The following ZBBX variants were observed in gnomAD, a reference collection of about 807,000 sequenced individuals.
ZBBX encodes zinc finger B-box domain-containing protein 1.
Under a neutral mutation model 108.5 loss-of-function variants are expected in ZBBX, and 101 were observed. The observed-to-expected ratio is 0.93, with a 90% CI of 0.79 to 1.10. The LOEUF (loss-of-function observed/expected upper bound fraction) is 1.10, where lower values mean the gene tolerates loss of function less well. ZBBX is among the 50% of genes least tolerant of loss of function. ZBBX has a pLI of 0.00. For missense variants in ZBBX, 1,009 were observed against 941.4 expected, an observed-to-expected ratio of 1.07 and a Z score of -0.94; for synonymous variants, 356 against 323.4, an observed-to-expected ratio of 1.10 and a Z score of -1.08.
chr3:167,290,188 A>C (rs1730436322), intron 18 of ZBBX, among the ~76,000 whole-genome samples: 1 of 152,200 alleles, frequency 6.6e-6, no homozygotes, highest in Admixed American at 6.5e-5. Context: ...TGAAGAGAAC[A>C]GCAGATCTCC....
rs138575925 is a variant in ZBBX at position 167,401,961 on chromosome 3, G to T, written c.-446+5765C>A. Among the ~76,000 whole-genome samples, 25 of 152,238 alleles carry T rather than the reference G, an allele frequency of 1.6e-4. No homozygotes were observed. The East Asian group carries it at 3.7e-3, about 22-fold the overall frequency. On this transcript the variant is annotated intron_variant, in intron 1 of 21. Transcript: ENST00000455345. The stretch of plus-strand genomic sequence containing the variant: ...CTTGATGAACTGATTTCCAGAGAAA[G>T]GTGCCCATTATAAGTAAGCAGTGAG...
In ZBBX at chr3:167,372,912, T is replaced by C. The variant is rs1265649431; in HGVS notation, c.-11A>G. The C allele has an allele frequency of 8.9e-6, 14 of 1,579,702 alleles. No individual in the cohort carries two copies. Among genetic ancestry groups the C allele is most frequent in the African/African-American group, 2.7e-5 (2 of 72,964 alleles). On this transcript the variant is annotated 5_prime_UTR_variant, in exon 4 of 22. Transcript: ENST00000675490. Reference sequence around the variant, plus strand: ...ATCTTTTCTGTTCATGATTACCACCTTAATATTGTCTAAAAGTTATTCTGA... The same window carrying C: ...ATCTTTTCTGTTCATGATTACCACCCTAATATTGTCTAAAAGTTATTCTGA...
chr3:167,197,775 C>T, the ZBBX span, among the ~76,000 whole-genome samples: 7 of 152,166 alleles, frequency 4.6e-5, no homozygotes, highest in South Asian at 8.3e-4. Context: ...GTCATCAAAT[C>T]TTGCTATTCT....
At chr3:167,379,388 G>A (rs1176717007) in intron 2 of ZBBX, among the ~76,000 whole-genome samples, 2 of 152,098 alleles carry the variant, frequency 1.3e-5, no homozygotes, top group African/African-American at 4.8e-5. Flanking sequence ...AAGACATAAA[G>A]GAACTACTTT....
chr3:167,284,283 T>C (rs1056422842), intron 19 of ZBBX, among the ~76,000 whole-genome samples: 1 of 151,780 alleles, frequency 6.6e-6, no homozygotes, highest in African/African-American at 2.4e-5. Context: ...TAAAGAACCA[T>C]ATTTATAGCA....
At chr3:167,190,116 T>C in the ZBBX span, among the ~76,000 whole-genome samples, 2 of 152,170 alleles carry the variant, frequency 1.3e-5, no homozygotes, top group Non-Finnish European at 2.9e-5. Flanking sequence ...TACATCCTTT[T>C]TCATAAATAT....
At chr3:167,348,356 G>GAA (rs1553832871) in intron 9 of ZBBX, among the ~76,000 whole-genome samples, 1,925 of 115,010 alleles carry the variant, frequency 0.017, 48 homozygotes, top group East Asian at 0.052. Flanking sequence ...AAGAAAGAAA[G>GAA]AAAGAAAGAA....
chr3:167,312,561 T>C (rs1406009728), intron 16 of ZBBX, among the ~76,000 whole-genome samples: 1 of 152,210 alleles, frequency 6.6e-6, no homozygotes, highest in Non-Finnish European at 1.5e-5. Flanking sequence ...GAACTCTCTG[T>C]ACTTTCTGCT....
At chr3:167,397,377 T>C (rs1748276717) in intron 1 of ZBBX, among the ~76,000 whole-genome samples, 1 of 151,848 alleles carries the variant, frequency 6.6e-6, no homozygotes, top group Admixed American at 6.6e-5. Context: ...TAAAAATAAA[T>C]AAAATTTTAT....
chr3:167,363,606 A>G (rs1744875049), intron 6 of ZBBX, among the ~76,000 whole-genome samples: 1 of 151,676 alleles, frequency 6.6e-6, no homozygotes, highest in African/African-American at 2.4e-5. Context: ...CACCTCTTTC[A>G]TCTACATTTT....
intron 17 of ZBBX, among the ~76,000 whole-genome samples, chr3:167,298,983 A>G (rs1001757660): frequency 1.1e-4 from 17 of 152,204 alleles, no homozygotes; most frequent in African/African-American, 2.6e-4. Flanking sequence ...TATGACGTTT[A>G]TATAGCTAGA....
intron 20 of ZBBX, among the ~76,000 whole-genome samples, chr3:167,275,151 T>C (rs187013211): frequency 4.6e-5 from 7 of 152,324 alleles, no homozygotes; most frequent in Admixed American, 3.3e-4. Flanking sequence ...ATGGAGTGCA[T>C]AAACCTATTT....
At chr3:167,252,872 AAAT>A (rs200129930) in intron 20 of ZBBX, among the ~76,000 whole-genome samples, 1,737 of 152,324 alleles carry the variant, frequency 0.011, 11 homozygotes, top group Non-Finnish European at 0.018. Flanking sequence ...TTCAATTTGT[AAAT>A]AATAAAATGT....
chr3:167,204,063 T>G, the ZBBX span, among the ~76,000 whole-genome samples: 1 of 152,184 alleles, frequency 6.6e-6, no homozygotes, highest in Non-Finnish European at 1.5e-5. Context: ...TGAATTTAGT[T>G]CAAGGAATTC....
intron 17 of ZBBX, among the ~76,000 whole-genome samples, chr3:167,303,978 T>G (rs1410862847): frequency 6.6e-6 from 1 of 152,206 alleles, no homozygotes; most frequent in Non-Finnish European, 1.5e-5. Context: ...GGGTAATATT[T>G]CTCTCCTTAT....
At chr3:167,217,280 C>T in the ZBBX span, among the ~76,000 whole-genome samples, 2 of 152,034 alleles carry the variant, frequency 1.3e-5, no homozygotes, top group African/African-American at 4.8e-5. Flanking sequence ...AAGAGTAAAA[C>T]AACCCCATTA....
At position 167,317,502 on chromosome 3, in the gene ZBBX, T is replaced by A. The variant is rs374904496; in HGVS notation, c.1079A>T (p.Asp360Val). The change falls in exon 13 of 22, where the codon GAT becomes GTT. Residue 360 changes from aspartate to valine, a missense_variant. Coordinates refer to ENST00000675490, the MANE Select transcript of ZBBX (RefSeq NM_001199201.2). Reference protein sequence around the residue: ...GDAQCSQNENDEDSDGEETKV... With the variant: ...GDAQCSQNENVEDSDGEETKV... ...TATGAACTAACCATCACTATCTTCA[T>A]CGTTTTCATTTTGAGAACACTGTGC... The A allele has an allele frequency of 1.9e-6, 3 of 1,607,932 alleles. No homozygotes were observed. In the Admixed American group the frequency reaches 5.1e-5, roughly 27 times the overall value.
chr3:167,202,685 G>A, the ZBBX span, among the ~76,000 whole-genome samples: 1 of 152,038 alleles, frequency 6.6e-6, no homozygotes, highest in Non-Finnish European at 1.5e-5. Context: ...CCCTGAAAAT[G>A]GAAGTTTATA....
chr3:167,186,758 T>G, the ZBBX span, among the ~76,000 whole-genome samples: 1 of 152,110 alleles, frequency 6.6e-6, no homozygotes. Context: ...AGCTGAAGAT[T>G]TAAAAAGAAA....
Sources: gnomAD v4.1 joint callset for allele counts (sites outside exome capture counted in the v4.1 genomes callset) on GRCh38, gnomAD v4.1.1 for gene constraint, MANE v1.5 for transcripts, NCBI Gene and HGNC (gene_info 2026-07-23, HGNC 2026-07-21) for gene names.